The following SIRT5 variants were observed in gnomAD, a reference collection of about 807,000 sequenced individuals.
SIRT5 encodes the protein sirtuin 5.
A neutral mutation model predicts 40.0 loss-of-function variants in SIRT5; 26 were observed. That is an observed-to-expected ratio of 0.65 (90% CI 0.48 to 0.90). The LOEUF (loss-of-function observed/expected upper bound fraction) is 0.90. Among genes scored for constraint, SIRT5 ranks in the 40% least tolerant of loss-of-function variants. The pLI, the probability that SIRT5 is intolerant of heterozygous loss-of-function variation, is 0.00. For synonymous variants in SIRT5, 146 were observed against 149.1 expected, an observed-to-expected ratio of 0.98 and a Z score of 0.15; for missense variants, 401 against 402.4, an observed-to-expected ratio of 1.00 and a Z score of 0.03.
chr6:13,599,732 G>A lies in SIRT5; in HGVS notation c.741+577G>A, dbSNP rs1762116157. On this transcript the variant is annotated intron_variant, in intron 8 of 9. Coordinates refer to ENST00000606117, the MANE Select transcript of SIRT5 (RefSeq NM_012241.5). ...CTACTTTCAAACTACAAGTGGCAGA[G>A]TTGAGTACTTGTGACAGAGATTGAA... is the stretch of plus-strand genomic sequence containing the variant. Among the ~76,000 whole-genome samples the A allele has an allele frequency of 2.0e-5, 3 of 152,222 alleles. No homozygotes were observed. In the South Asian group the frequency reaches 6.2e-4, roughly 31 times the overall value.
chr6:13,607,487 A>G lies in SIRT5; in HGVS notation c.858-4303A>G, dbSNP rs1763266703. 6.6e-6 allele frequency among the ~76,000 whole-genome samples: 1 copy of G among 152,090 alleles called. No individual in the cohort carries two copies. The highest frequency in any genetic ancestry group is 6.6e-5 in the Admixed American group (1 of 15,264). ...TAGAAATAACTCTCTTAACAGCTCTATTTTTGCAGTTTATTACGTAATTTT... is the reference window on the plus strand; with the variant it reads ...TAGAAATAACTCTCTTAACAGCTCTGTTTTTGCAGTTTATTACGTAATTTT... On this transcript the variant is annotated intron_variant, in intron 9 of 9. Coordinates refer to ENST00000606117, the MANE Select transcript of SIRT5 (RefSeq NM_012241.5). This position sits in a 1 kb window ranked among gnomAD's most constrained non-coding sequence, Gnocchi z 4.0.
chr6:13,584,724 A>G (rs1212943816), intron 3 of SIRT5, among the ~76,000 whole-genome samples: 8 of 152,246 alleles, frequency 5.3e-5, no homozygotes, highest in East Asian at 3.9e-4. Flanking sequence ...TCCATCTAGG[A>G]CATTTTGTTG....
At position 13,612,017 on chromosome 6, in the gene SIRT5, G is replaced by A. The variant is rs1041037937; in HGVS notation, c.*152G>A. The stretch of plus-strand genomic sequence containing the variant: ...AATCCAACCTGTTGATAAGTGATGG[G>A]GGTTTAGAAGTAGCAAAGAGCACCC... On this transcript the variant is annotated 3_prime_UTR_variant, in exon 10 of 10. Transcript: ENST00000606117. The A allele has an allele frequency of 3.4e-6, 2 of 589,634 alleles. No individual in the cohort carries two copies. The highest frequency in any genetic ancestry group is 5.8e-6 in the Non-Finnish European group (2 of 345,884). 36.5% of individuals were successfully genotyped at this position (589,634 alleles called of 1,614,324 possible). A position where few individuals can be genotyped will look rare whatever the true frequency, so the allele number is the denominator to read the frequency against.
At chr6:13,582,043 C>G (rs1759411787) in intron 2 of SIRT5, among the ~76,000 whole-genome samples, 1 of 152,186 alleles carries the variant, frequency 6.6e-6, no homozygotes, top group South Asian at 2.1e-4. Flanking sequence ...AACACAAGCA[C>G]AAATCCTCTA....
In SIRT5 at chr6:13,612,896, T is replaced by C. The variant is rs1311621456; in HGVS notation, c.*1031T>C. On this transcript the variant is annotated 3_prime_UTR_variant, in exon 10 of 10. Coordinates refer to ENST00000606117, the MANE Select transcript of SIRT5 (RefSeq NM_012241.5). ...ATAAAGGCAGAAGCTGTGGTTCCTG[T>C]GGGGCCTGCCAACCGTTCCCAGATG... is the stretch of plus-strand genomic sequence containing the variant. The C allele has an allele frequency of 2.0e-5, 3 of 152,198 alleles. No homozygotes were observed. Among genetic ancestry groups the C allele is most frequent in the Admixed American group, 2.0e-4 (3 of 15,276 alleles). 9.4% of individuals were successfully genotyped at this position (152,198 alleles called of 1,614,324 possible).
At chr6:13,576,622 T>A (rs1490462598) in intron 1 of SIRT5, among the ~76,000 whole-genome samples, 1 of 152,230 alleles carries the variant, frequency 6.6e-6, no homozygotes, top group East Asian at 1.9e-4. Flanking sequence ...CTCTTTACTC[T>A]GTTAATTATT....
intron 9 of SIRT5, among the ~76,000 whole-genome samples, chr6:13,608,943 T>G (rs1221973782): frequency 1.3e-5 from 2 of 152,078 alleles, no homozygotes; most frequent in Non-Finnish European, 2.9e-5. Flanking sequence ...TGCCTCAGCC[T>G]CCTGAGTAGT....
intron 5 of SIRT5, 95 bp downstream of exon 5, chr6:13,591,989 C>A: frequency 1.7e-6 from 2 of 1,156,190 alleles, no homozygotes; most frequent in Non-Finnish European, 2.5e-6. Context: ...TCCCTCCCTG[C>A]TGGACATCCG....
chr6:13,611,829 A>G lies in SIRT5; in HGVS notation c.897A>G (p.Glu299=). The G allele has an allele frequency of 6.2e-7, 1 of 1,614,028 alleles. No individual in the cohort carries two copies. Among genetic ancestry groups the G allele is most frequent in the South Asian group, 1.1e-5 (1 of 91,080 alleles). The change falls in exon 10 of 10, where the codon GAA becomes GAG. Residue 299 remains glutamate (E), a synonymous_variant. Transcript: ENST00000606117. ...GACCCTGTGGAACGACTCTTCCTGA[A>G]GCCCTTGCCTGTCATGAAAATGAAA... ...FQGPCGTTLP[E]ALACHENETV... is the part of the protein sequence containing the mutation.
chr6:13,608,898 T>C (rs1382367544), intron 9 of SIRT5, among the ~76,000 whole-genome samples: 2 of 152,000 alleles, frequency 1.3e-5, no homozygotes, highest in Non-Finnish European at 2.9e-5. Context: ...CTCAGCTCAC[T>C]GCAACCTCTG....
chr6:13,591,821 A>G lies in SIRT5; in HGVS notation c.402A>G (p.Arg134=). The change falls in exon 5 of 10, where the codon CGA becomes CGG. Residue 134 remains arginine (R), a synonymous_variant. Transcript: ENST00000606117. ...CETRLGKQGR[R]VVVITQNIDE... ...CCCGGCTGGGCAAGCAGGGCCGGCG[A>G]GTCGTGGTCATCACCCAGAACATCG... 1 of 1,614,120 alleles carries G rather than the reference A, an allele frequency of 6.2e-7. No individual in the cohort carries two copies. Among genetic ancestry groups the G allele is most frequent in the Non-Finnish European group, 8.5e-7 (1 of 1,179,994 alleles).
chr6:13,593,517 A>T (rs902087983), intron 5 of SIRT5, among the ~76,000 whole-genome samples: 1 of 152,188 alleles, frequency 6.6e-6, no homozygotes, highest in East Asian at 1.9e-4. Context: ...GACAATGCCT[A>T]TCTTATAGAA....
chr6:13,611,207 GTATATATATA>G lies in SIRT5; in HGVS notation c.858-562_858-553del, dbSNP rs1172335284. ...GCTGTAATGTTTTATGTGTGTGTGTGTATATATATATATATATATATATATATATACACAC... is the reference window on the plus strand; with the variant it reads ...GCTGTAATGTTTTATGTGTGTGTGTGTATATATATATATATATATACACAC... On this transcript the variant is annotated intron_variant, in intron 9 of 9. Coordinates refer to ENST00000606117, the MANE Select transcript of SIRT5 (RefSeq NM_012241.5). Among the ~76,000 whole-genome samples, 10 of 93,598 alleles carry G rather than the reference GTATATATATA, an allele frequency of 1.1e-4. 1 individual carries two copies. The highest frequency in any genetic ancestry group is 1.9e-4 in the Non-Finnish European group (9 of 47,078). The allele number at this position is 93,598 out of a possible 152,430, so 61.4% of individuals were successfully genotyped here. A position where few individuals can be genotyped will look rare whatever the true frequency, so the allele number is the denominator to read the frequency against.
rs746543865 is a variant in SIRT5, at chr6:13,595,525, A to G, written c.524A>G (p.Asn175Ser). Residue 175 changes from asparagine to serine, a missense_variant, in exon 6 of 10, where the codon AAT (asparagine) becomes AGT (serine). Asn to Ser is a conservative substitution (Grantham distance 46, BLOSUM62 1). Transcript: ENST00000606117. ...RCTSCGVVAE[N>S]YKSPICPALS... ...ACCTCTTGTGGAGTTGTGGCTGAGA[A>G]TTACAAGAGTCCAATTTGTCCAGCT... The G allele has an allele frequency of 4.3e-6, 7 of 1,614,048 alleles. No individual in the cohort carries two copies. The highest frequency in any genetic ancestry group is 4.0e-5 in the African/African-American group (3 of 74,942).
chr6:13,577,280 G>A (rs949307067), intron 1 of SIRT5, among the ~76,000 whole-genome samples: 7 of 152,032 alleles, frequency 4.6e-5, no homozygotes, highest in Admixed American at 1.3e-4. Context: ...TTTCTAATCC[G>A]CGAACATGGG....
Position 13,600,936 on chromosome 6 carries a change from A to G in SIRT5, c.844A>G (p.Thr282Ala). 6.2e-7 allele frequency: 1 copy of G among 1,613,802 alleles called. No homozygotes were observed. Among genetic ancestry groups the G allele is most frequent in the Non-Finnish European group, 8.5e-7 (1 of 1,179,784 alleles). The change falls in exon 9 of 10, where the codon ACG (threonine) becomes GCG (alanine). Residue 282 changes from threonine (T) to alanine (A), a missense_variant. Transcript: ENST00000606117. ...AEFNTETTPA[T>A]NRFRFHFQGP... is the part of the protein sequence containing the mutation. ...ATTTAACACGGAGACCACCCCAGCT[A>G]CGAACAGATTCAGGTACTGGGATAC...
chr6:13,585,139 G>A (rs1759892635), intron 3 of SIRT5: 1 of 152,230 alleles, frequency 6.6e-6, no homozygotes, highest in African/African-American at 2.4e-5. Context: ...TAGAGCTTTA[G>A]TGTGATTGGT....
chr6:13,592,059 C>G (rs920611358), intron 5 of SIRT5, among the ~76,000 whole-genome samples, 165 bp downstream of exon 5: 3 of 152,156 alleles, frequency 2.0e-5, no homozygotes, highest in African/African-American at 7.2e-5. Context: ...CCCGTGGCAC[C>G]TGGGCAGCTG....
Position 13,599,131 on chromosome 6 carries a change from C to T in SIRT5, c.717C>T (p.Leu239=), listed in dbSNP as rs746885768. Residue 239 remains leucine, a synonymous_variant, in exon 8 of 10, where the codon CTC becomes CTT. Coordinates refer to ENST00000606117, the MANE Select transcript of SIRT5 (RefSeq NM_012241.5). ...PAILEEVDRE[L]AHCDLCLVVG... ...TTCTGGAGGAGGTTGACAGAGAGCT[C>T]GCCCACTGTGATTTATGTCTAGTGG... is the stretch of plus-strand genomic sequence containing the variant. The T allele has an allele frequency of 8.1e-6, 13 of 1,613,842 alleles. No homozygotes were observed. Among genetic ancestry groups the T allele is most frequent in the African/African-American group, 6.7e-5 (5 of 74,894 alleles).
Sources: allele counts gnomAD v4.1 joint callset (sites outside exome capture counted in the v4.1 genomes callset), GRCh38; gene constraint gnomAD v4.1.1; non-coding constraint Gnocchi (gnomAD v3.1); transcripts MANE v1.5; gene names NCBI Gene and HGNC (gene_info 2026-07-23, HGNC 2026-07-21).